The following PBX3 variants were observed in gnomAD, a reference collection of about 807,000 sequenced individuals.
PBX3 encodes PBX homeobox 3.
A neutral mutation model predicts 48.5 loss-of-function variants in PBX3; 14 were observed. That is an observed-to-expected ratio of 0.29 (90% CI 0.19 to 0.45). The LOEUF (loss-of-function observed/expected upper bound fraction) is 0.45, where lower values mean the gene tolerates loss of function less well. PBX3 is among the 20% of genes least tolerant of loss of function. The pLI is 1.00. For synonymous variants in PBX3, 210 were observed against 200.3 expected (o/e 1.05, Z -0.41); for missense variants, 386 against 546.7 (o/e 0.71, Z 2.93).
intron 2 of PBX3, among the ~76,000 whole-genome samples, chr9:125,772,460 GAT>G (rs944647568): frequency 3.3e-5 from 5 of 152,150 alleles, no homozygotes; most frequent in Non-Finnish European, 5.9e-5. Flanking sequence ...AAGATGTGTT[GAT>G]ATTTGGAGAG....
intron 2 of PBX3, among the ~76,000 whole-genome samples, chr9:125,908,666 A>G (rs1322329895): frequency 1.3e-5 from 2 of 152,086 alleles, no homozygotes; most frequent in African/African-American, 4.8e-5. Context: ...CTGGGGTCAC[A>G]AAGACCCATA....
chr9:125,956,298 A>G (rs1842306134), intron 5 of PBX3, among the ~76,000 whole-genome samples: 1 of 152,244 alleles, frequency 6.6e-6, no homozygotes, highest in South Asian at 2.1e-4. Flanking sequence ...AAAGCACGTA[A>G]CCATTATGTG....
intron 2 of PBX3, among the ~76,000 whole-genome samples, chr9:125,818,821 A>AGAT (rs200458699): frequency 1.7e-3 from 265 of 152,036 alleles, no homozygotes; most frequent in African/African-American, 6.0e-3. Flanking sequence ...ATTATTTTGA[A>AGAT]GATGATGATG....
At position 125,967,265 on chromosome 9, in the gene PBX3, A is replaced by G. The variant is rs1842553568; in HGVS notation, c.*1342A>G. 1 of 152,658 alleles carries G rather than the reference A, an allele frequency of 6.6e-6. No homozygotes were observed. Among genetic ancestry groups the G allele is most frequent in the South Asian group, 2.1e-4 (1 of 4,834 alleles). The allele number at this position is 152,658 out of a possible 1,614,324, so 9.5% of individuals were successfully genotyped here. A position where few individuals can be genotyped will look rare whatever the true frequency, so the allele number is the denominator to read the frequency against. On this transcript the variant is annotated 3_prime_UTR_variant, in exon 9 of 9. Coordinates refer to ENST00000373489, the MANE Select transcript of PBX3 (RefSeq NM_006195.6). ...TTGTGGCGGTGATTCTAATGTATTA[A>G]AAACGTTTCGTGTTCCTTTCTAACT...
At chr9:125,802,070 A>G (rs889240416) in intron 2 of PBX3, among the ~76,000 whole-genome samples, 3 of 152,126 alleles carry the variant, frequency 2.0e-5, no homozygotes, top group Admixed American at 6.5e-5. Flanking sequence ...CTCAACAACA[A>G]CAATAACAGC....
intron 2 of PBX3, among the ~76,000 whole-genome samples, chr9:125,832,435 T>C (rs987130382): frequency 5.3e-5 from 8 of 152,186 alleles, no homozygotes; most frequent in Non-Finnish European, 1.0e-4. Flanking sequence ...TACCTCGTGA[T>C]CCACCCGCCT....
intron 2 of PBX3, among the ~76,000 whole-genome samples, chr9:125,849,741 AT>A (rs1839525693): frequency 6.6e-6 from 1 of 151,982 alleles, no homozygotes; most frequent in Non-Finnish European, 1.5e-5. Context: ...ATCAATATAC[AT>A]TTTATTTCCT....
In PBX3 at chr9:125,793,291, G is replaced by A. The variant is rs965360805; in HGVS notation, c.274+44668G>A. Among the ~76,000 whole-genome samples the A allele has an allele frequency of 4.7e-5, 7 of 148,284 alleles. No homozygotes were observed. In the South Asian group the frequency reaches 1.1e-3, roughly 23 times the overall value. ...GGCGTGAACCTGGGAGGCAGAGCTT[G>A]CAGTGAGGCAAGATTGCGCCACCGC... On this transcript the variant is annotated intron_variant, in intron 2 of 8. Coordinates refer to ENST00000373489, the MANE Select transcript of PBX3 (RefSeq NM_006195.6).
At chr9:125,826,775 T>A (rs1184444806) in intron 2 of PBX3, among the ~76,000 whole-genome samples, 2 of 152,184 alleles carry the variant, frequency 1.3e-5, no homozygotes, top group African/African-American at 4.8e-5. Context: ...ATATTTATGG[T>A]GTACATGTGA....
chr9:125,783,962 C>T (rs913753132), intron 2 of PBX3, among the ~76,000 whole-genome samples: 2 of 152,122 alleles, frequency 1.3e-5, no homozygotes, highest in Non-Finnish European at 2.9e-5. Context: ...GGTCATGCCA[C>T]CGCACTGCAG....
intron 4 of PBX3, among the ~76,000 whole-genome samples, chr9:125,931,109 A>G (rs1841704432): frequency 6.6e-6 from 1 of 152,202 alleles, no homozygotes; most frequent in Non-Finnish European, 1.5e-5. Flanking sequence ...AATGTTTTAC[A>G]ATATTCTCTC....
chr9:125,819,760 C>G (rs903668242), intron 2 of PBX3, among the ~76,000 whole-genome samples: 29 of 151,984 alleles, frequency 1.9e-4, no homozygotes, highest in African/African-American at 5.1e-4. Flanking sequence ...CAATGTAACC[C>G]TGTACTCTTC....
chr9:125,938,893 T>C (rs1841896475), intron 5 of PBX3, among the ~76,000 whole-genome samples: 1 of 152,034 alleles, frequency 6.6e-6, no homozygotes, highest in African/African-American at 2.4e-5. Flanking sequence ...TTAGGAAATA[T>C]ACACTGACTG....
intron 2 of PBX3, among the ~76,000 whole-genome samples, chr9:125,825,501 A>G (rs79366303): frequency 1.3e-5 from 2 of 151,224 alleles, no homozygotes; most frequent in African/African-American, 4.9e-5. Flanking sequence ...TTTTTTTTTA[A>G]CAAATTCTTT....
chr9:125,903,777 A>T (rs1841006177), intron 2 of PBX3, among the ~76,000 whole-genome samples: 1 of 151,874 alleles, frequency 6.6e-6, no homozygotes, highest in Non-Finnish European at 1.5e-5. Flanking sequence ...GTGTTTCTGT[A>T]AGGCATTTAC....
intron 2 of PBX3, among the ~76,000 whole-genome samples, chr9:125,877,437 G>C (rs1840281260): frequency 6.6e-6 from 1 of 152,128 alleles, no homozygotes. Context: ...AGTATCTTCT[G>C]TCACACCAGA....
At chr9:125,931,524 C>T (rs1265129064) in intron 4 of PBX3, among the ~76,000 whole-genome samples, 2 of 152,116 alleles carry the variant, frequency 1.3e-5, no homozygotes, top group Non-Finnish European at 2.9e-5. Flanking sequence ...TCTTGAACTC[C>T]TGAACTCAAG....
At chr9:125,937,053 C>T (rs1384735397) in intron 5 of PBX3, among the ~76,000 whole-genome samples, 1 of 152,178 alleles carries the variant, frequency 6.6e-6, no homozygotes, top group Non-Finnish European at 1.5e-5. Context: ...CACAACCACT[C>T]TCTGACTTAG....
In PBX3 at chr9:125,960,926, C is replaced by T. The variant is rs559170707; in HGVS notation, c.1009+77C>T. 4.7e-6 allele frequency: 5 copies of T among 1,067,946 alleles called. No homozygotes were observed. In the South Asian group the frequency reaches 4.7e-5, roughly 10 times the overall value. 66.2% of individuals were successfully genotyped at this position (1,067,946 alleles called of 1,614,324 possible). On this transcript the variant is annotated intron_variant, in intron 6 of 8. Coordinates refer to ENST00000373489, the MANE Select transcript of PBX3 (RefSeq NM_006195.6). ...ATGCCCTGTCCCACAGGCCAGGAAA[C>T]AAGAGCCATACTGAGGACAGAGTGG... is the stretch of plus-strand genomic sequence containing the variant.
Sources: allele counts gnomAD v4.1 joint callset (sites outside exome capture counted in the v4.1 genomes callset), GRCh38; gene constraint gnomAD v4.1.1; transcripts MANE v1.5; gene names NCBI Gene and HGNC (gene_info 2026-07-23, HGNC 2026-07-21).